The following CTNNA3 variants were observed in gnomAD, a reference collection of about 807,000 sequenced individuals.
CTNNA3 encodes the protein catenin alpha-3.
CTNNA3 carries 76 observed loss-of-function variants against 95.7 expected under a neutral mutation model. The observed-to-expected ratio is 0.79, with a 90% confidence interval of 0.66 to 0.96. CTNNA3 has a LOEUF of 0.96. Ranked by LOEUF, CTNNA3 falls within the 40% of genes least tolerant of loss-of-function variation. The probability of loss-of-function intolerance (pLI) is 0.00; values close to 1 mark genes in which losing one functional copy is unlikely to be tolerated. For synonymous variants in CTNNA3, 431 were observed against 374.4 expected (o/e 1.15, Z -1.74); for missense variants, 1,191 against 1,089.8 (o/e 1.09, Z -1.31).
At chr10:67,702,324 T>G (rs1355252622) in intron 1 of CTNNA3, among the ~76,000 whole-genome samples, 1 of 152,064 alleles carries the variant, frequency 6.6e-6, no homozygotes, top group East Asian at 1.9e-4. Context: ...AGAATATACA[T>G]TTTTTTCAGC....
chr10:66,472,402 G>C (rs1285927354), intron 11 of CTNNA3, among the ~76,000 whole-genome samples: 2 of 151,796 alleles, frequency 1.3e-5, no homozygotes, highest in Non-Finnish European at 2.9e-5. Flanking sequence ...GGAAAATCAG[G>C]GATATAAGAA....
chr10:66,932,673 C>G (rs1847469699), intron 7 of CTNNA3, among the ~76,000 whole-genome samples: 1 of 138,844 alleles, frequency 7.2e-6, no homozygotes, highest in African/African-American at 2.5e-5. Flanking sequence ...TAGTTTGTAT[C>G]AAATAGCTCT....
intron 11 of CTNNA3, among the ~76,000 whole-genome samples, chr10:66,482,917 G>A (rs1462223134): frequency 1.3e-5 from 2 of 152,122 alleles, no homozygotes; most frequent in Non-Finnish European, 2.9e-5. Context: ...TCCAGGGGTT[G>A]TTTCATCCTA....
intron 9 of CTNNA3, among the ~76,000 whole-genome samples, chr10:66,687,240 CA>C (rs1204297287): frequency 6.6e-5 from 10 of 151,544 alleles, no homozygotes; most frequent in Non-Finnish European, 1.2e-4. Context: ...AAGAAGGAGG[CA>C]AAAAAGGTGA....
rs577207222 is a variant in CTNNA3 at position 67,216,806 on chromosome 10, T to C, written c.843+2801A>G. ...CCTCACAGGAGACAATATGTCTTAA[T>C]GGACTTGGAATTTTCAAAGCAATTT... On this transcript the variant is annotated intron_variant, in intron 6 of 17. Coordinates refer to ENST00000433211, the MANE Select transcript of CTNNA3 (RefSeq NM_013266.4). Among the ~76,000 whole-genome samples, 410 of 152,342 alleles carry C rather than the reference T, an allele frequency of 2.7e-3. 1 individual carries two copies. The highest frequency in any genetic ancestry group is 9.1e-3 in the African/African-American group (379 of 41,586).
At chr10:66,310,728 C>A (rs1199857967) in intron 12 of CTNNA3, among the ~76,000 whole-genome samples, 6 of 150,416 alleles carry the variant, frequency 4.0e-5, no homozygotes, top group Non-Finnish European at 3.0e-5. Flanking sequence ...GCTCTGTCTC[C>A]CAGGCTGGAG....
intron 1 of CTNNA3, among the ~76,000 whole-genome samples, chr10:67,681,269 A>C (rs986679169): frequency 2.6e-5 from 4 of 152,226 alleles, no homozygotes; most frequent in African/African-American, 9.6e-5. Flanking sequence ...CCTTCCAGTT[A>C]TTAAAACATA....
chr10:66,212,390 G>C (rs2088228225), intron 13 of CTNNA3, among the ~76,000 whole-genome samples: 2 of 152,126 alleles, frequency 1.3e-5, no homozygotes, highest in Non-Finnish European at 2.9e-5. Context: ...TTCTTAGCCA[G>C]AACCTAAATA....
At chr10:66,889,462 A>C (rs2132488660) in intron 7 of CTNNA3, among the ~76,000 whole-genome samples, 1 of 152,260 alleles carries the variant, frequency 6.6e-6, no homozygotes, top group East Asian at 1.9e-4. Flanking sequence ...GGCTGTGCCT[A>C]TGTGAGTGCA....
intron 11 of CTNNA3, among the ~76,000 whole-genome samples, chr10:66,382,707 C>T (rs1052217704): frequency 2.0e-5 from 3 of 152,096 alleles, no homozygotes; most frequent in African/African-American, 7.2e-5. Context: ...CTCATATAGG[C>T]GGCTGCCCCT....
intron 3 of CTNNA3, among the ~76,000 whole-genome samples, chr10:67,583,288 T>C (rs1303901432): frequency 6.6e-6 from 1 of 152,188 alleles, no homozygotes; most frequent in Non-Finnish European, 1.5e-5. Context: ...TGCTTGTCTG[T>C]AAAATATTTT....
At chr10:66,911,188 A>G (rs1370417274) in intron 7 of CTNNA3, among the ~76,000 whole-genome samples, 6 of 152,238 alleles carry the variant, frequency 3.9e-5, no homozygotes, top group African/African-American at 1.2e-4. Flanking sequence ...ATAATTCAAC[A>G]TTAATAAAGA....
chr10:66,490,142 T>C (rs58778349), intron 11 of CTNNA3, among the ~76,000 whole-genome samples: 118 of 152,244 alleles, frequency 7.8e-4, no homozygotes, highest in African/African-American at 2.8e-3. Context: ...TTTTGTGGGG[T>C]CTCTTTTCTG....
chr10:66,296,890 A>T (rs2091788053), intron 12 of CTNNA3, among the ~76,000 whole-genome samples: 1 of 152,146 alleles, frequency 6.6e-6, no homozygotes, highest in Non-Finnish European at 1.5e-5. Context: ...TAAAAGATGG[A>T]TGTGCTAAAT....
chr10:66,448,593 T>A (rs184107607), intron 11 of CTNNA3, among the ~76,000 whole-genome samples: 255 of 150,206 alleles, frequency 1.7e-3, no homozygotes, highest in African/African-American at 6.1e-3. Flanking sequence ...AACCAAACAC[T>A]GCATGTTCTC....
At chr10:66,288,101 T>A (rs867021546) in intron 12 of CTNNA3, among the ~76,000 whole-genome samples, 89 of 152,238 alleles carry the variant, frequency 5.8e-4, no homozygotes, top group Middle Eastern at 6.8e-3. Flanking sequence ...TATGCAGATA[T>A]AAACATAAAT....
intron 1 of CTNNA3, among the ~76,000 whole-genome samples, chr10:67,748,043 C>A (rs1841382913): frequency 6.6e-6 from 1 of 151,888 alleles, no homozygotes; most frequent in Non-Finnish European, 1.5e-5. Context: ...AGCAGGAAGA[C>A]AAGATTATGG....
chr10:67,516,445 T>C (rs1157858746), intron 5 of CTNNA3, among the ~76,000 whole-genome samples: 1 of 152,204 alleles, frequency 6.6e-6, no homozygotes, highest in Non-Finnish European at 1.5e-5. Flanking sequence ...TCTAAGCATT[T>C]CTTCCACAGG....
intron 12 of CTNNA3, among the ~76,000 whole-genome samples, chr10:66,345,192 T>C (rs1477934809): frequency 1.3e-5 from 2 of 152,036 alleles, no homozygotes; most frequent in Admixed American, 1.3e-4. Flanking sequence ...TAAACAACAA[T>C]ATGTGATGGG....
Sources: allele counts gnomAD v4.1 joint callset (sites outside exome capture counted in the v4.1 genomes callset), GRCh38; gene constraint gnomAD v4.1.1; transcripts MANE v1.5; gene names NCBI Gene and HGNC (gene_info 2026-07-23, HGNC 2026-07-21).